Variants in RHBG observed in about 807,000 individuals in gnomAD.
RHBG encodes ammonium transporter Rh type B.
RHBG carries 39 observed loss-of-function variants against 40.1 expected under a neutral mutation model. That is an observed-to-expected ratio of 0.97 (90% CI 0.75 to 1.27). The LOEUF (loss-of-function observed/expected upper bound fraction) is 1.27. Ranked by LOEUF, RHBG falls within the 50% of genes most tolerant of loss-of-function variation. The pLI is 0.00. For missense variants in RHBG, 549 were observed against 588.1 expected, an observed-to-expected ratio of 0.93 and a Z score of 0.69; for synonymous variants, 237 against 252.5, an observed-to-expected ratio of 0.94 and a Z score of 0.58.
rs1228121677 is a variant in RHBG at position 156,382,521 on chromosome 1, G to A, written c.1113-227G>A. The A allele has an allele frequency of 2.4e-5, 16 of 670,358 alleles. No individual in the cohort carries two copies. The East Asian group carries it at 3.9e-4, about 16-fold the overall frequency. The allele number at this position is 670,358 out of a possible 1,614,324, so 41.5% of individuals were successfully genotyped here. ...GCAACCCGCAAATGGAGTCTTAAAA[G>A]GTGCCTAGGTGTCTGCTGGCCTACA... On this transcript the variant is annotated intron_variant, in intron 7 of 9. Transcript: ENST00000537040.
chr1:156,377,209 G>A lies in RHBG; in HGVS notation c.188-92G>A. 3 of 1,387,924 alleles carry A rather than the reference G, an allele frequency of 2.2e-6. No individual in the cohort carries two copies. The highest frequency in any genetic ancestry group is 3.0e-6 in the Non-Finnish European group (3 of 997,214). The allele number at this position is 1,387,924 out of a possible 1,614,324, so 86.0% of individuals were successfully genotyped here. ...TCGGCTCAAGGCAGCCCTGGCTGGT[G>A]AGAGCCAGGGGCACTGGCAGGGTAG... On this transcript the variant is annotated intron_variant, in intron 1 of 9. Coordinates refer to ENST00000537040, the MANE Select transcript of RHBG (RefSeq NM_020407.5). The surrounding 1 kb of genome is among the most constrained non-coding windows in gnomAD (Gnocchi z 4.6).
At position 156,377,175 on chromosome 1, in the gene RHBG, T is replaced by A. The variant is rs1008243401; in HGVS notation, c.188-126T>A. The A allele has an allele frequency of 1.8e-6, 2 of 1,104,744 alleles. No individual in the cohort carries two copies. The highest frequency in any genetic ancestry group is 2.6e-6 in the Non-Finnish European group (2 of 757,736). 68.4% of individuals were successfully genotyped at this position (1,104,744 alleles called of 1,614,324 possible). A position where few individuals can be genotyped will look rare whatever the true frequency, so the allele number is the denominator to read the frequency against. The stretch of plus-strand genomic sequence containing the variant: ...GGAGCCCCTGACATGCCTGGGGAGT[T>A]TTATAGGCTCGGCTCAAGGCAGCCC... On this transcript the variant is annotated intron_variant, in intron 1 of 9. Coordinates refer to ENST00000537040, the MANE Select transcript of RHBG (RefSeq NM_020407.5). This position sits in a 1 kb window ranked among gnomAD's most constrained non-coding sequence, Gnocchi z 4.6.
chr1:156,372,130 G>A (rs974858904), intron 1 of RHBG, among the ~76,000 whole-genome samples: 13 of 152,236 alleles, frequency 8.5e-5, no homozygotes, highest in African/African-American at 2.4e-4. Context: ...TGTGACTGTT[G>A]TTGAGCTCCA....
Position 156,382,765 on chromosome 1 carries a change from C to T in RHBG, c.1130C>T (p.Pro377Leu), listed in dbSNP as rs1667750769. Residue 377 changes from proline to leucine, a missense_variant, in exon 8 of 10, where the codon CCA (proline) becomes CTA (leucine). Pro to Leu is a moderately conservative substitution (Grantham distance 98, BLOSUM62 -3). Coordinates refer to ENST00000537040, the MANE Select transcript of RHBG (RefSeq NM_020407.5). ...AYGDGLESVF[P>L]LIAEGQRSAT... ...CCCTGCAGCCTGGAGAGTGTGTTTC[C>T]ACTCATAGCCGAGGGCCAGCGCAGT... 2 of 1,614,078 alleles carry T rather than the reference C, an allele frequency of 1.2e-6. No homozygotes were observed. The highest frequency in any genetic ancestry group is 1.7e-6 in the Non-Finnish European group (2 of 1,180,052).
intron 1 of RHBG, among the ~76,000 whole-genome samples, chr1:156,376,431 T>A (rs781494308): frequency 2.0e-5 from 3 of 151,790 alleles, no homozygotes; most frequent in Admixed American, 6.6e-5. Context: ...AGGTATGATC[T>A]TGGCTTACTG....
chr1:156,382,564 C>A, intron 7 of RHBG, 184 bp from the exon 8 acceptor site: 1 of 762,714 alleles, frequency 1.3e-6, no homozygotes, highest in Non-Finnish European at 2.2e-6. Flanking sequence ...GAAGGTGTTC[C>A]AGGCTGTGGG....
chr1:156,369,242 C>A lies in RHBG; in HGVS notation c.-8C>A. ...CTGCGAGCGCCAGCCGAGATCGCAG[C>A]CCAACCCATGGCCGGGTCTCCTAGC... is the stretch of plus-strand genomic sequence containing the variant. On this transcript the variant is annotated 5_prime_UTR_variant, in exon 1 of 10. Coordinates refer to ENST00000537040, the MANE Select transcript of RHBG (RefSeq NM_020407.5). 1 of 1,611,362 alleles carries A rather than the reference C, an allele frequency of 6.2e-7. No individual in the cohort carries two copies. The highest frequency in any genetic ancestry group is 2.2e-5 in the East Asian group (1 of 44,824).
intron 1 of RHBG, among the ~76,000 whole-genome samples, chr1:156,372,130 G>T (rs974858904): frequency 6.6e-6 from 1 of 152,236 alleles, no homozygotes. Flanking sequence ...TGTGACTGTT[G>T]TTGAGCTCCA....
At chr1:156,376,365 A>ATT (rs1223481065) in intron 1 of RHBG, among the ~76,000 whole-genome samples, 3 of 55,872 alleles carry the variant, frequency 5.4e-5, no homozygotes, top group African/African-American at 1.1e-4. Flanking sequence ...CTATTTCCTA[A>ATT]ATTTTTTTTT....
At chr1:156,378,799 G>A (rs1011029373) in intron 4 of RHBG, among the ~76,000 whole-genome samples, 1 of 152,052 alleles carries the variant, frequency 6.6e-6, no homozygotes, top group Admixed American at 6.5e-5. Context: ...TCTGGTTCCC[G>A]GCAAACAGGC....
At chr1:156,380,313 G>A (rs2101794791) in intron 4 of RHBG, among the ~76,000 whole-genome samples, 1 of 151,944 alleles carries the variant, frequency 6.6e-6, no homozygotes, top group Admixed American at 6.5e-5. Flanking sequence ...TGTTGGTTAG[G>A]CTGGTCTCGA....
intron 1 of RHBG, among the ~76,000 whole-genome samples, chr1:156,372,461 T>C (rs756738751): frequency 1.1e-4 from 16 of 152,182 alleles, no homozygotes; most frequent in Non-Finnish European, 1.0e-4. Context: ...TGAAAAAATA[T>C]GGACAGGTTC....
Position 156,369,243 on chromosome 1 carries a change from C to T in RHBG, c.-7C>T. 6.2e-7 allele frequency: 1 copy of T among 1,611,680 alleles called. No homozygotes were observed. Among genetic ancestry groups the T allele is most frequent in the Non-Finnish European group, 8.5e-7 (1 of 1,179,292 alleles). On this transcript the variant is annotated 5_prime_UTR_variant, in exon 1 of 10. Coordinates refer to ENST00000537040, the MANE Select transcript of RHBG (RefSeq NM_020407.5). ...TGCGAGCGCCAGCCGAGATCGCAGC[C>T]CAACCCATGGCCGGGTCTCCTAGCC...
chr1:156,383,807 G>T (rs1274255081), intron 8 of RHBG, among the ~76,000 whole-genome samples: 1 of 150,572 alleles, frequency 6.6e-6, no homozygotes, highest in African/African-American at 2.4e-5. Context: ...GATTACAGGC[G>T]TGAGCCACTG....
Position 156,382,162 on chromosome 1 carries a change from T to C in RHBG, c.1073T>C (p.Leu358Pro), listed in dbSNP as rs376569860. The C allele has an allele frequency of 5.0e-5, 81 of 1,614,036 alleles. No homozygotes were observed. In the African/African-American group the frequency reaches 9.2e-4, roughly 18 times the overall value. ...GTCCTGGGGGCCCTCCTGGGGGTCC[T>C]TGTGGCTGGACTTGCCACCCATGAA... ...PGVLGALLGV[L>P]VAGLATHEAY... The change falls in exon 7 of 10, where the codon CTT becomes CCT. Residue 358 changes from leucine (L) to proline (P), a missense_variant. Physicochemically the swap from Leu to Pro is moderately conservative, Grantham distance 98 (BLOSUM62 -3). Transcript: ENST00000537040.
chr1:156,376,060 A>G (rs1204191332), intron 1 of RHBG, among the ~76,000 whole-genome samples: 2 of 152,080 alleles, frequency 1.3e-5, no homozygotes, highest in African/African-American at 4.8e-5. Context: ...TATTATTTTT[A>G]TCGGTTTAGC....
At chr1:156,382,712 C>T in intron 7 of RHBG, 36 bp from the exon 8 acceptor site, 5 of 1,612,920 alleles carry the variant, frequency 3.1e-6, no homozygotes, top group Non-Finnish European at 4.2e-6. Flanking sequence ...CTCTCTCTCC[C>T]TACCCCTGCC....
Position 156,382,467 on chromosome 1 carries a change from CT to C in RHBG, c.1112+267del. 5 of 627,026 alleles carry C rather than the reference CT, an allele frequency of 8.0e-6. No homozygotes were observed. In the South Asian group the frequency reaches 9.7e-5, roughly 12 times the overall value. The allele number at this position is 627,026 out of a possible 1,614,324, so 38.8% of individuals were successfully genotyped here. Reference sequence around the variant, plus strand: ...AGTAAGAGATAATGACCTTTAGGATCTATTTTTGCACATCAAGGGTGGGCAA... The same window carrying C: ...AGTAAGAGATAATGACCTTTAGGATCATTTTTGCACATCAAGGGTGGGCAA... On this transcript the variant is annotated intron_variant, in intron 7 of 9. Coordinates refer to ENST00000537040, the MANE Select transcript of RHBG (RefSeq NM_020407.5).
Position 156,381,906 on chromosome 1 carries a change from C to T in RHBG, c.941C>T (p.Ala314Val), listed in dbSNP as rs1215479513. 1 of 1,610,456 alleles carries T rather than the reference C, an allele frequency of 6.2e-7. No individual in the cohort carries two copies. The highest frequency in any genetic ancestry group is 2.2e-5 in the East Asian group (1 of 44,848). The stretch of plus-strand genomic sequence containing the variant: ...GGGGCTCTGGCAGCTGGCTTCTTGG[C>T]TGGGACTGTCTCCACGCTGGGGTAC... ...PFGALAAGFL[A>V]GTVSTLGYKF... Residue 314 changes from alanine to valine, a missense_variant, in exon 6 of 10, where the codon GCT becomes GTT. By Grantham distance (64) the Ala-to-Val change is moderately conservative (BLOSUM62 0). Coordinates refer to ENST00000537040, the MANE Select transcript of RHBG (RefSeq NM_020407.5).
Sources: allele counts gnomAD v4.1 joint callset (sites outside exome capture counted in the v4.1 genomes callset), GRCh38; gene constraint gnomAD v4.1.1; non-coding constraint Gnocchi (gnomAD v3.1); transcripts MANE v1.5; gene names NCBI Gene and HGNC (gene_info 2026-07-23, HGNC 2026-07-21).